The following MYO3B variants were observed in gnomAD, a reference collection of about 807,000 sequenced individuals.
MYO3B encodes myosin-IIIb.
MYO3B carries 156 observed loss-of-function variants against 174.6 expected under a neutral mutation model. The observed-to-expected ratio is 0.89, with a 90% CI of 0.78 to 1.02. The LOEUF (loss-of-function observed/expected upper bound fraction) is 1.02. Ranked by LOEUF, MYO3B falls within the 50% of genes least tolerant of loss-of-function variation. The probability of loss-of-function intolerance (pLI) is 0.00; values close to 1 mark genes in which losing one functional copy is unlikely to be tolerated. For synonymous variants in MYO3B, 563 were observed against 569.1 expected (o/e 0.99, Z 0.15); for missense variants, 1,632 against 1,639.4 (o/e 1.00, Z 0.08).
chr2:170,204,246 A>G (rs2092693099), intron 3 of MYO3B, among the ~76,000 whole-genome samples: 2 of 152,216 alleles, frequency 1.3e-5, no homozygotes, highest in South Asian at 4.1e-4. Flanking sequence ...GATACTTCCT[A>G]AGGGATTTTC....
chr2:170,425,834 A>C (rs1010666355), intron 22 of MYO3B, among the ~76,000 whole-genome samples: 1 of 152,220 alleles, frequency 6.6e-6, no homozygotes, highest in African/African-American at 2.4e-5. Flanking sequence ...ACTTAGTGCT[A>C]TGACCTTGAG....
chr2:170,383,180 C>A lies in MYO3B; in HGVS notation c.1176C>A (p.Tyr392Ter). Reference protein sequence around the residue: ...ALNPFQNLSIYSPQFSRLYHG... With the variant: ...ALNPFQNLSI ...ACCCCTTCCAGAATCTAAGCATATA[C>A]TCTCCACAGGTAAGGGATGTTTTAA... Residue 392 changes from tyrosine (Y) to a stop codon, truncating the protein, a stop_gained, in exon 11 of 35, where the codon TAC becomes TAA. Transcript: ENST00000408978. LOFTEE classifies it high-confidence loss of function. 6.3e-7 allele frequency: 1 copy of A among 1,587,988 alleles called. No individual in the cohort carries two copies. Among genetic ancestry groups the A allele is most frequent in the Non-Finnish European group, 8.6e-7 (1 of 1,156,492 alleles).
chr2:170,395,702 C>G lies in MYO3B; in HGVS notation c.1791+3207C>G, dbSNP rs191963343. 3.4e-4 allele frequency among the ~76,000 whole-genome samples: 52 copies of G among 152,128 alleles called. 1 individual carries two copies. Among genetic ancestry groups the G allele is most frequent in the East Asian group, 3.3e-3 (17 of 5,174 alleles). Reference sequence around the variant, plus strand: ...CAGAGCCTGTGGGGAGGTCCTTCAGCTGGTCCTAATGCAGTGCTTAGGGAA... The same window carrying G: ...CAGAGCCTGTGGGGAGGTCCTTCAGGTGGTCCTAATGCAGTGCTTAGGGAA... On this transcript the variant is annotated intron_variant, in intron 16 of 34. Transcript: ENST00000408978.
At chr2:170,464,721 A>C (rs898808363) in intron 24 of MYO3B, among the ~76,000 whole-genome samples, 2 of 152,164 alleles carry the variant, frequency 1.3e-5, no homozygotes, top group African/African-American at 4.8e-5. Flanking sequence ...CCCCTGCCTC[A>C]TCATTCTGAT....
chr2:170,526,403 C>T (rs1419426116), intron 30 of MYO3B, among the ~76,000 whole-genome samples: 1 of 152,180 alleles, frequency 6.6e-6, no homozygotes, highest in Non-Finnish European at 1.5e-5. Context: ...TATGAAGGAT[C>T]AAGACTTTGA....
chr2:170,554,134 C>A (rs1174349370), intron 32 of MYO3B, among the ~76,000 whole-genome samples: 1 of 152,102 alleles, frequency 6.6e-6, no homozygotes, highest in Non-Finnish European at 1.5e-5. Context: ...TTTACTAGAT[C>A]TGGGTTTTTG....
intron 32 of MYO3B, among the ~76,000 whole-genome samples, chr2:170,557,811 T>C (rs1286170546): frequency 6.6e-6 from 1 of 152,170 alleles, no homozygotes; most frequent in Non-Finnish European, 1.5e-5. Context: ...AACTCAGACC[T>C]GCAGCGAAGA....
intron 14 of MYO3B, 36 bp from the exon 15 acceptor site, chr2:170,391,484 A>G (rs372225809): frequency 8.1e-5 from 86 of 1,056,952 alleles, no homozygotes; most frequent in Non-Finnish European, 1.2e-4. Flanking sequence ...TGGGGAAGCC[A>G]GAATATATTA....
At chr2:170,322,563 C>T (rs903533044) in intron 7 of MYO3B, among the ~76,000 whole-genome samples, 16 of 152,252 alleles carry the variant, frequency 1.1e-4, no homozygotes, top group African/African-American at 3.4e-4. Context: ...TGAAAGAGGA[C>T]GAATGTTCGG....
intron 23 of MYO3B, among the ~76,000 whole-genome samples, chr2:170,455,513 C>T (rs1295245531): frequency 6.6e-6 from 1 of 152,162 alleles, no homozygotes; most frequent in East Asian, 1.9e-4. Flanking sequence ...ATATGTTAGT[C>T]TTAACTTCCT....
rs1285948831 is a variant in MYO3B at position 170,521,839 on chromosome 2, C to T, written c.3575+2299C>T. On this transcript the variant is annotated intron_variant, in intron 30 of 34. Transcript: ENST00000408978. ...TTCCTCACTAAACCAACCCCTTTCT[C>T]CCTAATCCTGAAATCTGATTTGTGT... Among the ~76,000 whole-genome samples, 8 of 152,302 alleles carry T rather than the reference C, an allele frequency of 5.3e-5. No individual in the cohort carries two copies. In the East Asian group the frequency reaches 1.4e-3, roughly 26 times the overall value.
chr2:170,596,622 T>C (rs1160363986), intron 32 of MYO3B, among the ~76,000 whole-genome samples: 4 of 152,226 alleles, frequency 2.6e-5, no homozygotes, highest in Non-Finnish European at 5.9e-5. Flanking sequence ...GAACAACTCA[T>C]TTAAATAGGC....
At chr2:170,399,957 C>T (rs552408707) in intron 16 of MYO3B, among the ~76,000 whole-genome samples, 2 of 152,216 alleles carry the variant, frequency 1.3e-5, no homozygotes, top group South Asian at 4.1e-4. Flanking sequence ...ATGCTCATGC[C>T]GGTAAGGCCT....
chr2:170,281,942 A>C (rs774845894), intron 7 of MYO3B, among the ~76,000 whole-genome samples: 1 of 152,068 alleles, frequency 6.6e-6, no homozygotes, highest in African/African-American at 2.4e-5. Context: ...AAATACCTCT[A>C]TGCCCACTTT....
intron 1 of MYO3B, among the ~76,000 whole-genome samples, chr2:170,182,913 T>C (rs943408509): frequency 6.6e-6 from 1 of 151,834 alleles, no homozygotes; most frequent in Non-Finnish European, 1.5e-5. Context: ...CCAGCCCTCA[T>C]GTGTTTAATT....
At chr2:170,399,570 A>G (rs2094462667) in intron 16 of MYO3B, among the ~76,000 whole-genome samples, 1 of 152,126 alleles carries the variant, frequency 6.6e-6, no homozygotes, top group Non-Finnish European at 1.5e-5. Flanking sequence ...GAGTCTTTCA[A>G]AATATTTCCT....
At chr2:170,619,552 T>C (rs1695717184) in intron 32 of MYO3B, among the ~76,000 whole-genome samples, 1 of 151,818 alleles carries the variant, frequency 6.6e-6, no homozygotes, top group African/African-American at 2.4e-5. Context: ...GGGACGAGGG[T>C]TGGGGATCCA....
rs576072130 is a variant in MYO3B at position 170,250,461 on chromosome 2, GT to G, written c.749+14326del. ...ACCCCCATCACAGGACGTGACAGGG[GT>G]GTGGCTTTTCTGTCCGGTTGCTGCT... On this transcript the variant is annotated intron_variant, in intron 7 of 34. Coordinates refer to ENST00000408978, the MANE Select transcript of MYO3B (RefSeq NM_138995.5). Among the ~76,000 whole-genome samples, 114 of 152,276 alleles carry G rather than the reference GT, an allele frequency of 7.5e-4. 1 individual carries two copies. Among genetic ancestry groups the G allele is most frequent in the South Asian group, 3.5e-3 (17 of 4,826 alleles).
intron 32 of MYO3B, among the ~76,000 whole-genome samples, chr2:170,580,487 A>T (rs1435726927): frequency 6.6e-6 from 1 of 152,074 alleles, no homozygotes; most frequent in Admixed American, 6.5e-5. Context: ...AAAATACAAA[A>T]ATCAGCTGGG....
Sources: gnomAD v4.1 joint callset for allele counts (sites outside exome capture counted in the v4.1 genomes callset) on GRCh38, gnomAD v4.1.1 for gene constraint, MANE v1.5 for transcripts, NCBI Gene and HGNC (gene_info 2026-07-23, HGNC 2026-07-21) for gene names.